Variants in MTFR1 observed in about 807,000 individuals in gnomAD.
The protein encoded by MTFR1 is mitochondrial fission regulator 1, also known as chondrocyte protein with a poly-proline region.
In MTFR1, 28 loss-of-function variants were observed where a neutral mutation model predicts 38.8. That is an observed-to-expected ratio of 0.72 (90% CI 0.53 to 0.99). The LOEUF (loss-of-function observed/expected upper bound fraction) is 0.99, where lower values mean the gene tolerates loss of function less well. Ranked by LOEUF, MTFR1 falls within the 50% of genes least tolerant of loss-of-function variation. The pLI is 0.00. For synonymous variants in MTFR1, 145 were observed against 137.0 expected (o/e 1.06, Z -0.41); for missense variants, 358 against 395.5 (o/e 0.91, Z 0.81).
Position 65,693,719 on chromosome 8 carries a change from T to C in MTFR1, c.241T>C (p.Trp81Arg). The C allele has an allele frequency of 6.2e-7, 1 of 1,614,124 alleles. No homozygotes were observed. Among genetic ancestry groups the C allele is most frequent in the East Asian group, 2.2e-5 (1 of 44,882 alleles). ...DAVASFADVG[W>R]VAKEEGECSA... Reference sequence around the variant, plus strand: ...AGTGGCGTCTTTTGCTGATGTTGGATGGGTAGCCAAAGAAGAAGGAGAGTG... The same window carrying C: ...AGTGGCGTCTTTTGCTGATGTTGGACGGGTAGCCAAAGAAGAAGGAGAGTG... Residue 81 changes from tryptophan to arginine, a missense_variant, in exon 4 of 8, where the codon TGG (tryptophan) becomes CGG (arginine). Transcript: ENST00000262146.
chr8:65,669,556 G>GTT (rs969791735), intron 1 of MTFR1, among the ~76,000 whole-genome samples: 5 of 144,402 alleles, frequency 3.5e-5, no homozygotes, highest in Admixed American at 7.0e-5. Flanking sequence ...ACACATGAAG[G>GTT]TTTTTTTTTT....
chr8:65,725,732 A>C, intron 3 of MTFR1: 1 of 152,210 alleles, frequency 6.6e-6, no homozygotes, highest in Admixed American at 6.5e-5. Context: ...AAAACATTAA[A>C]TAATGCTATT....
downstream of MTFR1, among the ~76,000 whole-genome samples, chr8:65,771,604 G>A (rs986414290): frequency 9.2e-5 from 14 of 151,988 alleles, no homozygotes; most frequent in Admixed American, 3.9e-4. Context: ...TGGCTCACGC[G>A]GTGGCTCACG....
At chr8:65,655,970 C>CTATATATAT (rs1809252480) in intron 1 of MTFR1, among the ~76,000 whole-genome samples, 45 of 53,610 alleles carry the variant, frequency 8.4e-4, no homozygotes, top group African/African-American at 4.3e-3. Context: ...ATATATATAC[C>CTATATATAT]ATATATATAT....
chr8:65,775,786 C>A (rs577927414), downstream of MTFR1, among the ~76,000 whole-genome samples: 1 of 152,260 alleles, frequency 6.6e-6, no homozygotes, highest in South Asian at 2.1e-4. Flanking sequence ...CACCACTGCA[C>A]CTGGCTAATT....
At chr8:65,741,581 G>T (rs1807439811) in intron 3 of MTFR1, among the ~76,000 whole-genome samples, 1 of 152,144 alleles carries the variant, frequency 6.6e-6, no homozygotes, top group Non-Finnish European at 1.5e-5. Flanking sequence ...AAAGAAAAAA[G>T]CATTTCAAAT....
downstream of MTFR1, among the ~76,000 whole-genome samples, chr8:65,715,429 G>A (rs1440084008): frequency 6.6e-6 from 1 of 150,664 alleles, no homozygotes; most frequent in African/African-American, 2.4e-5. Context: ...CTAGGCTGGA[G>A]TGCAGTAGCA....
At chr8:65,689,365 T>C (rs1372299187) in intron 3 of MTFR1, among the ~76,000 whole-genome samples, 1 of 152,244 alleles carries the variant, frequency 6.6e-6, no homozygotes, top group African/African-American at 2.4e-5. Context: ...ATTTTACTAA[T>C]ATGCACTTTA....
chr8:65,683,369 A>G (rs564376499), intron 3 of MTFR1, among the ~76,000 whole-genome samples: 2 of 151,948 alleles, frequency 1.3e-5, no homozygotes, highest in South Asian at 4.1e-4. Flanking sequence ...TGACCTTGTG[A>G]TCTGCCTGTT....
At chr8:65,745,324 A>G in intron 3 of MTFR1, 1 of 819,588 alleles carries the variant, frequency 1.2e-6, no homozygotes, top group East Asian at 2.4e-5. Flanking sequence ...AGTACAGTAA[A>G]TGAAAGCAAC....
intron 1 of MTFR1, among the ~76,000 whole-genome samples, chr8:65,655,962 A>G (rs1298654743): frequency 3.6e-4 from 11 of 30,332 alleles, no homozygotes; most frequent in Admixed American, 5.7e-4. Context: ...ATATATATAT[A>G]TATATACCAT....
intron 3 of MTFR1, among the ~76,000 whole-genome samples, chr8:65,761,588 G>A (rs949953156): frequency 1.3e-5 from 2 of 152,176 alleles, no homozygotes; most frequent in Non-Finnish European, 2.9e-5. Context: ...TACTATTAAA[G>A]AGCAGTTGGC....
At chr8:65,662,020 CCTCTCT>C (rs1391434193) in intron 1 of MTFR1, among the ~76,000 whole-genome samples, 1 of 136,990 alleles carries the variant, frequency 7.3e-6, no homozygotes, top group African/African-American at 2.7e-5. Context: ...TCTCTCTCTC[CCTCTCT>C]CTCTCCCTCT....
intron 3 of MTFR1, among the ~76,000 whole-genome samples, chr8:65,721,264 G>T (rs1349678606): frequency 6.6e-6 from 1 of 152,126 alleles, no homozygotes; most frequent in Non-Finnish European, 1.5e-5. Context: ...CTCTTATCCA[G>T]TACATATTTT....
chr8:65,682,605 C>A, intron 3 of MTFR1, 154 bp downstream of exon 3: 2 of 468,626 alleles, frequency 4.3e-6, no homozygotes, highest in African/African-American at 2.1e-5. Context: ...CACAGTAAAG[C>A]CTTTCTAATT....
rs73690901 is a variant in MTFR1, at chr8:65,752,083, T to C, written c.*49-18864T>C. Reference sequence around the variant, plus strand: ...TTGTTAAATATGCTTATATTTCTACTACTTGATTTGTCAGCTTGAGATATC... The same window carrying C: ...TTGTTAAATATGCTTATATTTCTACCACTTGATTTGTCAGCTTGAGATATC... On this transcript the variant is annotated intron_variant, in intron 3 of 3. Coordinates refer to the MTFR1 transcript ENST00000521247. Among the ~76,000 whole-genome samples the C allele has an allele frequency of 7.5e-3, 1,139 of 152,362 alleles. 7 individuals carry two copies. The highest frequency in any genetic ancestry group is 0.025 in the African/African-American group (1,029 of 41,584).
At position 65,730,164 on chromosome 8, in the gene MTFR1, C is replaced by A. The variant is rs1009595060; in HGVS notation, c.*48+10683C>A. Among the ~76,000 whole-genome samples, 7 of 95,018 alleles carry A rather than the reference C, an allele frequency of 7.4e-5. 1 individual carries two copies. Among genetic ancestry groups the A allele is most frequent in the African/African-American group, 3.2e-4 (7 of 22,180 alleles). The allele number at this position is 95,018 out of a possible 152,430, so 62.3% of individuals were successfully genotyped here. A position where few individuals can be genotyped will look rare whatever the true frequency, so the allele number is the denominator to read the frequency against. On this transcript the variant is annotated intron_variant, in intron 3 of 3. Transcript: ENST00000521247. ...CTGTGCATGTGAGGGATCCAGGTTG[C>A]GCACTTCTTTTTTTTTTTTTTTTTT... is the stretch of plus-strand genomic sequence containing the variant.
chr8:65,722,695 T>C (rs750758937), intron 3 of MTFR1: 1 of 152,208 alleles, frequency 6.6e-6, no homozygotes, highest in Non-Finnish European at 1.5e-5. Flanking sequence ...TCACAGGACA[T>C]TTTCATTATG....
At chr8:65,766,261 C>CA (rs1360264031) in intron 3 of MTFR1, among the ~76,000 whole-genome samples, 11 of 152,020 alleles carry the variant, frequency 7.2e-5, no homozygotes, top group South Asian at 2.1e-4. Context: ...GAATTTTTGA[C>CA]AAAAAAATCA....
Sources: allele counts gnomAD v4.1 joint callset (sites outside exome capture counted in the v4.1 genomes callset), GRCh38; gene constraint gnomAD v4.1.1; transcripts MANE v1.5; gene names NCBI Gene and HGNC (gene_info 2026-07-23, HGNC 2026-07-21).